Variants in RAP2A observed in about 807,000 individuals in gnomAD.
RAP2A encodes RAP2A, member of RAS oncogene family.
RAP2A carries 5 observed loss-of-function variants against 15.1 expected under a neutral mutation model. That is an observed-to-expected ratio of 0.33 (90% CI 0.17 to 0.70). The LOEUF is 0.70. Ranked by LOEUF, RAP2A falls within the 30% of genes least tolerant of loss-of-function variation. The probability of loss-of-function intolerance (pLI) is 0.68; values close to 1 mark genes in which losing one functional copy is unlikely to be tolerated. For missense variants in RAP2A, 111 were observed against 240.3 expected (o/e 0.46, Z 3.56); for synonymous variants, 110 against 99.7 (o/e 1.10, Z -0.62).
intron 1 of RAP2A, among the ~76,000 whole-genome samples, chr13:97,452,517 C>G (rs541997870): frequency 6.6e-6 from 1 of 151,100 alleles, no homozygotes; most frequent in South Asian, 2.1e-4. Context: ...ATTTTTGTAA[C>G]TTTATAGTAA....
chr13:97,466,802 G>C lies in RAP2A; in HGVS notation c.*2360G>C, dbSNP rs2066773547. The C allele has an allele frequency of 6.6e-6, 1 of 152,202 alleles. No homozygotes were observed. The highest frequency in any genetic ancestry group is 1.5e-5 in the Non-Finnish European group (1 of 68,046). 9.4% of individuals were successfully genotyped at this position (152,202 alleles called of 1,614,324 possible). On this transcript the variant is annotated 3_prime_UTR_variant, in exon 2 of 2. Coordinates refer to ENST00000245304, the MANE Select transcript of RAP2A (RefSeq NM_021033.7). ...TGAATAAGAACTGATCTGGCTGCCT[G>C]ATGAGTGTTTCCACGCAGCCCTGCA...
At position 97,465,946 on chromosome 13, in the gene RAP2A, T is replaced by C. The variant is rs1399326817; in HGVS notation, c.*1504T>C. 6.6e-6 allele frequency: 1 copy of C among 152,180 alleles called. No individual in the cohort carries two copies. The highest frequency in any genetic ancestry group is 1.5e-5 in the Non-Finnish European group (1 of 68,038). 9.4% of individuals were successfully genotyped at this position (152,180 alleles called of 1,614,324 possible). On this transcript the variant is annotated 3_prime_UTR_variant, in exon 2 of 2. Coordinates refer to ENST00000245304, the MANE Select transcript of RAP2A (RefSeq NM_021033.7). ...GATCTATACACCACCCCACATTTTG[T>C]TGGTTTCACAGTCTTGTGCAAGTAA... is the stretch of plus-strand genomic sequence containing the variant.
intron 1 of RAP2A, among the ~76,000 whole-genome samples, chr13:97,444,934 G>A (rs2066673532): frequency 6.6e-6 from 1 of 152,074 alleles, no homozygotes; most frequent in Non-Finnish European, 1.5e-5. Context: ...ATGTATTGCT[G>A]ACAGTTCTAG....
At position 97,464,754 on chromosome 13, in the gene RAP2A, TG is replaced by T. The variant is rs2066763348; in HGVS notation, c.*313del. On this transcript the variant is annotated 3_prime_UTR_variant, in exon 2 of 2. Coordinates refer to ENST00000245304, the MANE Select transcript of RAP2A (RefSeq NM_021033.7). ...TCGCTGAGTTGACAGAAGCAACTAT[TG>T]TACAAATTAAAAATAACCATAAGGG... 3.5e-6 allele frequency: 1 copy of T among 284,542 alleles called. No individual in the cohort carries two copies. Among genetic ancestry groups the T allele is most frequent in the African/African-American group, 2.2e-5 (1 of 46,436 alleles). 17.6% of individuals were successfully genotyped at this position (284,542 alleles called of 1,614,324 possible). A position where few individuals can be genotyped will look rare whatever the true frequency, so the allele number is the denominator to read the frequency against.
chr13:97,434,825 A>C, intron 1 of RAP2A, 41 bp downstream of exon 1: 1 of 1,604,420 alleles, frequency 6.2e-7, no homozygotes, highest in South Asian at 1.1e-5. Flanking sequence ...TGCACCCCGG[A>C]GTCACCGTCC....
At chr13:97,441,118 G>T (rs74105087) in intron 1 of RAP2A, among the ~76,000 whole-genome samples, 1 of 152,242 alleles carries the variant, frequency 6.6e-6, no homozygotes, top group African/African-American at 2.4e-5. Flanking sequence ...AGGAGATGAT[G>T]TCTCTTCCTC....
chr13:97,467,298 G>T lies in RAP2A; in HGVS notation c.*2856G>T, dbSNP rs910363320. On this transcript the variant is annotated 3_prime_UTR_variant, in exon 2 of 2. Coordinates refer to ENST00000245304, the MANE Select transcript of RAP2A (RefSeq NM_021033.7). ...AAAACAAGCCAGCATCTGATCAAAA[G>T]TATTACATAAAATATTTTCTTAAAC... The T allele has an allele frequency of 6.6e-6, 1 of 152,522 alleles. No individual in the cohort carries two copies. Among genetic ancestry groups the T allele is most frequent in the Non-Finnish European group, 1.5e-5 (1 of 68,008 alleles). The allele number at this position is 152,522 out of a possible 1,614,324, so 9.4% of individuals were successfully genotyped here. A position where few individuals can be genotyped will look rare whatever the true frequency, so the allele number is the denominator to read the frequency against.
At chr13:97,460,178 T>C (rs901289982) in intron 1 of RAP2A, among the ~76,000 whole-genome samples, 1 of 152,224 alleles carries the variant, frequency 6.6e-6, no homozygotes, top group African/African-American at 2.4e-5. Flanking sequence ...CTCCTGCTTA[T>C]GTTTTGGCCC....
rs1470183373 is a variant in RAP2A, at chr13:97,466,126, A to G, written c.*1684A>G. The G allele has an allele frequency of 1.3e-5, 2 of 152,084 alleles. No individual in the cohort carries two copies. The highest frequency in any genetic ancestry group is 3.8e-4 in the East Asian group (2 of 5,202). The allele number at this position is 152,084 out of a possible 1,614,324, so 9.4% of individuals were successfully genotyped here. On this transcript the variant is annotated 3_prime_UTR_variant, in exon 2 of 2. Coordinates refer to ENST00000245304, the MANE Select transcript of RAP2A (RefSeq NM_021033.7). The stretch of plus-strand genomic sequence containing the variant: ...GTGTATCAAAAACTTTTTTCTTTTA[A>G]ATTATTAAAGTGTCTTTTATACTTT...
intron 1 of RAP2A, among the ~76,000 whole-genome samples, chr13:97,454,957 C>A (rs2066716812): frequency 6.6e-6 from 1 of 151,162 alleles, no homozygotes; most frequent in Non-Finnish European, 1.5e-5. Flanking sequence ...CTTCTGGCAT[C>A]TGTGGTTTCT....
chr13:97,455,730 C>T (rs1398639792), intron 1 of RAP2A, among the ~76,000 whole-genome samples: 1 of 151,470 alleles, frequency 6.6e-6, no homozygotes, highest in East Asian at 1.9e-4. Context: ...TCTTCCCACT[C>T]ATACACAGCT....
chr13:97,434,341 C>A lies in RAP2A; in HGVS notation c.-130C>A. The A allele has an allele frequency of 2.7e-6, 2 of 742,568 alleles. No homozygotes were observed. The highest frequency in any genetic ancestry group is 3.3e-6 in the Non-Finnish European group (2 of 613,344). The allele number at this position is 742,568 out of a possible 1,614,324, so 46.0% of individuals were successfully genotyped here. A position where few individuals can be genotyped will look rare whatever the true frequency, so the allele number is the denominator to read the frequency against. On this transcript the variant is annotated 5_prime_UTR_variant, in exon 1 of 2. Transcript: ENST00000245304. The stretch of plus-strand genomic sequence containing the variant: ...CCGCCGCCGGCGCCCAGGGGGCCGC[C>A]GCGGCTGTGAGGTGGGGGCGGCAGC...
At chr13:97,459,056 T>C (rs186738937) in intron 1 of RAP2A, among the ~76,000 whole-genome samples, 2 of 152,290 alleles carry the variant, frequency 1.3e-5, no homozygotes, top group African/African-American at 2.4e-5. Context: ...AATAAAATTA[T>C]TAGACCTGCA....
chr13:97,443,448 C>T lies in RAP2A; in HGVS notation c.314+8664C>T, dbSNP rs116282661. Among the ~76,000 whole-genome samples, 1,197 of 152,288 alleles carry T rather than the reference C, an allele frequency of 7.9e-3. 14 individuals carry two copies. The highest frequency in any genetic ancestry group is 0.027 in the African/African-American group (1,135 of 41,564). ...TGTTGCCCAGGCTGGAGTGCAGCGGCGCCATCAGAGCTTACTGCAGCCTCT... is the reference window on the plus strand; with the variant it reads ...TGTTGCCCAGGCTGGAGTGCAGCGGTGCCATCAGAGCTTACTGCAGCCTCT... On this transcript the variant is annotated intron_variant, in intron 1 of 1. Coordinates refer to ENST00000245304, the MANE Select transcript of RAP2A (RefSeq NM_021033.7).
At chr13:97,439,413 GAA>G (rs1409550039) in intron 1 of RAP2A, among the ~76,000 whole-genome samples, 3 of 152,202 alleles carry the variant, frequency 2.0e-5, no homozygotes, top group Non-Finnish European at 4.4e-5. Context: ...TAACAGGAGA[GAA>G]AGGATGCAAG....
chr13:97,464,140 A>G, intron 1 of RAP2A, 65 bp from the exon 2 acceptor site: 1 of 1,526,820 alleles, frequency 6.5e-7, no homozygotes, highest in Non-Finnish European at 9.0e-7. Context: ...ACGAAAATAC[A>G]CGTGACCTGT....
In RAP2A at chr13:97,456,275, A is replaced by G. The variant is rs1411939250; in HGVS notation, c.315-7930A>G. Among the ~76,000 whole-genome samples, 2 of 144,208 alleles carry G rather than the reference A, an allele frequency of 1.4e-5. 1 individual carries two copies. The highest frequency in any genetic ancestry group is 3.1e-5 in the Non-Finnish European group (2 of 64,724). The allele number at this position is 144,208 out of a possible 152,430, so 94.6% of individuals were successfully genotyped here. A position where few individuals can be genotyped will look rare whatever the true frequency, so the allele number is the denominator to read the frequency against. ...ACCCTCAGCTCAAGGCCACAAGAAA[A>G]AAAAAAACGGGAAAACCAGGAAACT... On this transcript the variant is annotated intron_variant, in intron 1 of 1. Coordinates refer to ENST00000245304, the MANE Select transcript of RAP2A (RefSeq NM_021033.7).
Position 97,467,855 on chromosome 13 carries a change from T to C in RAP2A, c.*3413T>C, listed in dbSNP as rs926901061. 12 of 152,644 alleles carry C rather than the reference T, an allele frequency of 7.9e-5. No individual in the cohort carries two copies. The highest frequency in any genetic ancestry group is 2.7e-4 in the African/African-American group (11 of 41,446). 9.5% of individuals were successfully genotyped at this position (152,644 alleles called of 1,614,324 possible). A position where few individuals can be genotyped will look rare whatever the true frequency, so the allele number is the denominator to read the frequency against. On this transcript the variant is annotated 3_prime_UTR_variant, in exon 2 of 2. Transcript: ENST00000245304. ...AACTGACCATTTAAAATTGAACAAG[T>C]TTATTGTTTTGTAACAATGTCAGTT... is the stretch of plus-strand genomic sequence containing the variant.
rs949936709 is a variant in RAP2A at position 97,438,801 on chromosome 13, C to T, written c.314+4017C>T. 3.9e-5 allele frequency among the ~76,000 whole-genome samples: 6 copies of T among 152,134 alleles called. No homozygotes were observed. In the South Asian group the frequency reaches 1.2e-3, roughly 32 times the overall value. On this transcript the variant is annotated intron_variant, in intron 1 of 1. Transcript: ENST00000245304. Reference sequence around the variant, plus strand: ...CCAGCCTTTCTCACAAAACTCCAAGCCCACGTAGGTGACACAGCTCCTACT... The same window carrying T: ...CCAGCCTTTCTCACAAAACTCCAAGTCCACGTAGGTGACACAGCTCCTACT...
Sources: gnomAD v4.1 joint callset for allele counts (sites outside exome capture counted in the v4.1 genomes callset) on GRCh38, gnomAD v4.1.1 for gene constraint, MANE v1.5 for transcripts, NCBI Gene and HGNC (gene_info 2026-07-23, HGNC 2026-07-21) for gene names.